PPM1E: variants seen among roughly 807,000 people sequenced by gnomAD.
PPM1E encodes the protein protein phosphatase 1E.
In PPM1E, 20 loss-of-function variants were observed where a neutral mutation model predicts 65.9. The ratio of observed to expected loss-of-function variants is 0.30; its 90% CI spans 0.21 to 0.44. The LOEUF is 0.44. PPM1E is among the 20% of genes least tolerant of loss of function. The pLI is 1.00. For missense variants in PPM1E, 713 were observed against 953.1 expected (o/e 0.75, Z 3.32); for synonymous variants, 352 against 374.9 (o/e 0.94, Z 0.70).
At chr17:58,850,295 A>C (rs1410028830) in intron 1 of PPM1E, among the ~76,000 whole-genome samples, 1 of 152,110 alleles carries the variant, frequency 6.6e-6, no homozygotes, top group Non-Finnish European at 1.5e-5. Context: ...TAATATTGTT[A>C]TGTGTGAATT....
chr17:58,818,932 A>T (rs2143128993), intron 1 of PPM1E, among the ~76,000 whole-genome samples: 1 of 152,326 alleles, frequency 6.6e-6, no homozygotes, highest in African/African-American at 2.4e-5. Flanking sequence ...GAGGTCAGAC[A>T]TTTCAGGCTG....
chr17:58,805,833 A>T (rs186187687), intron 1 of PPM1E, among the ~76,000 whole-genome samples: 32 of 151,828 alleles, frequency 2.1e-4, no homozygotes, highest in Middle Eastern at 3.4e-3. Flanking sequence ...CTTTGTATCT[A>T]TGTAAAATCA....
At chr17:58,960,203 G>A (rs561686669) in intron 2 of PPM1E, among the ~76,000 whole-genome samples, 1 of 152,290 alleles carries the variant, frequency 6.6e-6, no homozygotes, top group East Asian at 1.9e-4. Context: ...GCTCCATGAG[G>A]TGGCAGTATG....
At chr17:58,790,253 A>G (rs2050144176) in intron 1 of PPM1E, among the ~76,000 whole-genome samples, 1 of 151,656 alleles carries the variant, frequency 6.6e-6, no homozygotes, top group South Asian at 2.1e-4. Flanking sequence ...TTGGATAGCC[A>G]GGGTCTTACC....
intron 1 of PPM1E, among the ~76,000 whole-genome samples, chr17:58,862,250 G>A (rs1199829639): frequency 6.6e-6 from 1 of 152,210 alleles, no homozygotes; most frequent in Non-Finnish European, 1.5e-5. Flanking sequence ...GGAATTTTAA[G>A]AGCCTCAGTT....
chr17:58,864,820 C>T (rs920281125), intron 1 of PPM1E, among the ~76,000 whole-genome samples: 17 of 152,006 alleles, frequency 1.1e-4, no homozygotes, highest in African/African-American at 4.1e-4. Flanking sequence ...CCTGTAGTCC[C>T]AGCTACTAGG....
chr17:58,948,868 A>G (rs932717433), intron 1 of PPM1E, among the ~76,000 whole-genome samples: 1 of 152,206 alleles, frequency 6.6e-6, no homozygotes, highest in African/African-American at 2.4e-5. Flanking sequence ...CCATAGTCAG[A>G]TAAGATACTT....
chr17:58,861,942 A>G (rs570424489), intron 1 of PPM1E, among the ~76,000 whole-genome samples: 1 of 152,028 alleles, frequency 6.6e-6, no homozygotes. Context: ...AAAATACATA[A>G]ATAAATAAAA....
At chr17:58,781,707 C>T (rs1172833612) in intron 1 of PPM1E, among the ~76,000 whole-genome samples, 3 of 151,552 alleles carry the variant, frequency 2.0e-5, no homozygotes, top group South Asian at 2.1e-4. Flanking sequence ...TCCATACCAG[C>T]GAAACCCCGT....
chr17:58,860,042 T>C (rs1359439625), intron 1 of PPM1E, among the ~76,000 whole-genome samples: 1 of 152,240 alleles, frequency 6.6e-6, no homozygotes, highest in East Asian at 1.9e-4. Flanking sequence ...GAGATTCTTA[T>C]GTGGCTGTCA....
In PPM1E at chr17:58,756,301, G is replaced by GCGGCGA. The variant is rs1195717196; in HGVS notation, c.310_315dup (p.Thr104_Ala105dup). The GCGGCGA allele has an allele frequency of 3.3e-6, 5 of 1,512,828 alleles. No individual in the cohort carries two copies. The highest frequency in any genetic ancestry group is 4.4e-6 in the Non-Finnish European group (5 of 1,131,172). 93.7% of individuals were successfully genotyped at this position (1,512,828 alleles called of 1,614,324 possible). On this transcript the variant is annotated inframe_insertion, in exon 1 of 7. Transcript: ENST00000308249. Reference sequence around the variant, plus strand: ...TGAGGGTGAGGAGGAGGAGGAGGGCGCGGCGACGGCGGCGGCAGCCCCGGG... The same window carrying GCGGCGA: ...TGAGGGTGAGGAGGAGGAGGAGGGCGCGGCGACGGCGACGGCGGCGGCAGCCCCGGG...
intron 1 of PPM1E, among the ~76,000 whole-genome samples, chr17:58,887,772 A>G (rs1427036838): frequency 6.6e-6 from 1 of 152,216 alleles, no homozygotes; most frequent in East Asian, 1.9e-4. Flanking sequence ...GAGGAAGGAC[A>G]TGATCTGATT....
chr17:58,948,325 C>G (rs1330613460), intron 1 of PPM1E, among the ~76,000 whole-genome samples: 7 of 152,136 alleles, frequency 4.6e-5, no homozygotes, highest in Non-Finnish European at 8.8e-5. Context: ...TTCCCATGTG[C>G]TAAATGCACT....
At chr17:58,787,260 G>A (rs1207089027) in intron 1 of PPM1E, among the ~76,000 whole-genome samples, 2 of 152,144 alleles carry the variant, frequency 1.3e-5, no homozygotes, top group South Asian at 2.1e-4. Context: ...TCCCATACTG[G>A]ACATAAACAG....
intron 1 of PPM1E, among the ~76,000 whole-genome samples, chr17:58,945,558 TG>T (rs753830077): frequency 3.3e-5 from 5 of 152,338 alleles, no homozygotes; most frequent in South Asian, 2.1e-4. Flanking sequence ...ACTAATTGCC[TG>T]GAGTTACAAC....
chr17:58,810,322 T>C (rs1567840148), intron 1 of PPM1E, among the ~76,000 whole-genome samples: 1 of 152,280 alleles, frequency 6.6e-6, no homozygotes, highest in African/African-American at 2.4e-5. Flanking sequence ...TTCTCCTGCC[T>C]CAGCCTCCCG....
chr17:58,769,082 AAAATG>A (rs1323935123), intron 1 of PPM1E, among the ~76,000 whole-genome samples: 1 of 152,224 alleles, frequency 6.6e-6, no homozygotes, highest in Non-Finnish European at 1.5e-5. Context: ...AAATTAAAAA[AAAATG>A]CATTATTTTT....
intron 1 of PPM1E, among the ~76,000 whole-genome samples, chr17:58,901,949 C>T (rs749432624): frequency 5.3e-5 from 8 of 151,998 alleles, no homozygotes; most frequent in Non-Finnish European, 1.0e-4. Flanking sequence ...GCACTCCAGC[C>T]TGGGCAACAA....
rs190955930 is a variant in PPM1E, at chr17:58,758,462, A to G, written c.464+2001A>G. 2.2e-3 allele frequency among the ~76,000 whole-genome samples: 334 copies of G among 151,300 alleles called. 2 individuals carry two copies. The highest frequency in any genetic ancestry group is 0.017 in the Middle Eastern group (5 of 294). On this transcript the variant is annotated intron_variant, in intron 1 of 6. Transcript: ENST00000308249. ...AGAATCGCTTGAACCCGAGAGGCAG[A>G]GGTTGCAGTGAGCTGAGATTGTGCC... is the stretch of plus-strand genomic sequence containing the variant.
Sources: gnomAD v4.1 joint callset for allele counts (sites outside exome capture counted in the v4.1 genomes callset) on GRCh38, gnomAD v4.1.1 for gene constraint, MANE v1.5 for transcripts, NCBI Gene and HGNC (gene_info 2026-07-23, HGNC 2026-07-21) for gene names.